Variants in NOS1 observed in about 807,000 individuals in gnomAD.
The protein encoded by NOS1 is NOS type I.
In NOS1, 51 loss-of-function variants were observed where a neutral mutation model predicts 164.5. The ratio of observed to expected loss-of-function variants is 0.31; its 90% CI spans 0.25 to 0.39. The LOEUF is 0.39. NOS1 is among the 10% of genes least tolerant of loss of function. NOS1 has a pLI of 1.00. For synonymous variants in NOS1, 719 were observed against 745.8 expected (o/e 0.96, Z 0.59); for missense variants, 1,362 against 1,885.6 (o/e 0.72, Z 5.14).
chr12:117,316,177 T>G (rs1427242094), intron 2 of NOS1, among the ~76,000 whole-genome samples: 1 of 152,136 alleles, frequency 6.6e-6, no homozygotes, highest in Admixed American at 6.5e-5. Flanking sequence ...GGAAACCTAT[T>G]AATGTCTCCA....
At chr12:117,292,621 G>A (rs1314418114) in intron 3 of NOS1, among the ~76,000 whole-genome samples, 1 of 152,222 alleles carries the variant, frequency 6.6e-6, no homozygotes, top group Non-Finnish European at 1.5e-5. Context: ...GGCACAGAGA[G>A]GTTAAGTTGC....
In NOS1 at chr12:117,286,196, G is replaced by C; in HGVS notation, c.1198C>G (p.Gln400Glu). 1 of 1,614,192 alleles carries C rather than the reference G, an allele frequency of 6.2e-7. No individual in the cohort carries two copies. Among genetic ancestry groups the C allele is most frequent in the Non-Finnish European group, 8.5e-7 (1 of 1,180,032 alleles). Reference sequence around the variant, plus strand: ...TAGATGAGCTCTGTGTCCTTGAGCTGGTAAGTGCTAGTGGTGTCGATCTCT... The same window carrying C: ...TAGATGAGCTCTGTGTCCTTGAGCTCGTAAGTGCTAGTGGTGTCGATCTCT... ...NKEIDTTSTY[Q>E]LKDTELIYGA... The change falls in exon 6 of 29, where the codon CAG becomes GAG. Residue 400 changes from glutamine (Q) to glutamate (E), a missense_variant. Gln to Glu is a conservative substitution (Grantham distance 29). This residue lies in a region of NOS1 where 129 missense variants were observed against 186.0 expected (regional missense o/e 0.69). Coordinates refer to ENST00000317775, the MANE Select transcript of NOS1 (RefSeq NM_000620.5).
At chr12:117,335,274 C>A (rs139264159) in intron 1 of NOS1, among the ~76,000 whole-genome samples, 3 of 152,068 alleles carry the variant, frequency 2.0e-5, no homozygotes, top group Non-Finnish European at 4.4e-5. Context: ...CATCTCACGC[C>A]GGTCTGGGTG....
chr12:117,232,954 A>G, intron 21 of NOS1, among the ~76,000 whole-genome samples: 1 of 150,978 alleles, frequency 6.6e-6, no homozygotes, highest in Non-Finnish European at 1.5e-5. Context: ...TGTAGCCTTG[A>G]ACTCCCGGGC....
At chr12:117,255,966 C>T (rs745724978) in intron 16 of NOS1, 2 of 1,488,592 alleles carry the variant, frequency 1.3e-6, no homozygotes, top group African/African-American at 1.5e-5. Context: ...TGCAGCCAGA[C>T]CGTGGACTTC....
At position 117,212,675 on chromosome 12, in the gene NOS1, A is replaced by G; in HGVS notation, c.*2634T>C. On this transcript the variant is annotated 3_prime_UTR_variant, in exon 29 of 29. Transcript: ENST00000317775. ...TGGGCCATAACCCGAATAACCCCCA[A>G]ATATCTTGTCAACCCTATTTTGCTT... is the stretch of plus-strand genomic sequence containing the variant. 1.0e-6 allele frequency: 1 copy of G among 985,460 alleles called. No individual in the cohort carries two copies. Among genetic ancestry groups the G allele is most frequent in the Non-Finnish European group, 1.2e-6 (1 of 829,934 alleles). The allele number at this position is 985,460 out of a possible 1,614,324, so 61.0% of individuals were successfully genotyped here. A position where few individuals can be genotyped will look rare whatever the true frequency, so the allele number is the denominator to read the frequency against.
At position 117,225,109 on chromosome 12, in the gene NOS1, G is replaced by A. The variant is rs369249262; in HGVS notation, c.3733C>T (p.Pro1245Ser). The change falls in exon 25 of 29, where the codon CCC (proline) becomes TCC (serine). Residue 1245 changes from proline to serine, a missense_variant. Pro to Ser is a moderately conservative substitution (Grantham distance 74). This residue lies in a region of NOS1 where 737 missense variants were observed against 1,030.3 expected (regional missense o/e 0.72). Transcript: ENST00000317775. ...GAPSFHLPRN[P>S]QVPCILVGPG... is the part of the protein sequence containing the mutation. ...CCAACGAGGATGCAGGGGACTTGGG[G>A]GTTCCGGGGCAGGTGGAAGCTGGGT... The A allele has an allele frequency of 2.5e-6, 4 of 1,613,782 alleles. No homozygotes were observed. The highest frequency in any genetic ancestry group is 2.7e-5 in the African/African-American group (2 of 74,944).
At chr12:117,226,894 G>C in intron 23 of NOS1, 124 bp from the exon 24 acceptor site, 2 of 734,896 alleles carry the variant, frequency 2.7e-6, no homozygotes, top group Non-Finnish European at 4.7e-6. Context: ...TCCTCCCCAG[G>C]ATCCCTTCCT....
rs940371793 is a variant in NOS1, at chr12:117,211,124, T to C, written c.*4185A>G. On this transcript the variant is annotated 3_prime_UTR_variant, in exon 29 of 29. Transcript: ENST00000317775. ...GGCGCATGCCACCATGCCCAGCTAA[T>C]TTTTGTATTTTCTTAGTAGAGTCAG... The C allele has an allele frequency of 3.3e-6, 2 of 613,324 alleles. No homozygotes were observed. The highest frequency in any genetic ancestry group is 2.0e-5 in the African/African-American group (1 of 49,908). 38.0% of individuals were successfully genotyped at this position (613,324 alleles called of 1,614,324 possible). A position where few individuals can be genotyped will look rare whatever the true frequency, so the allele number is the denominator to read the frequency against.
intron 13 of NOS1, 108 bp downstream of exon 13, chr12:117,263,781 A>ATAT (rs1872134340): frequency 3.8e-6 from 3 of 786,512 alleles, no homozygotes; most frequent in Non-Finnish European, 6.5e-6. Context: ...TGAAGAAATC[A>ATAT]TATTCTGTAG....
At position 117,213,402 on chromosome 12, in the gene NOS1, G is replaced by C. The variant is rs1211732784; in HGVS notation, c.*1907C>G. On this transcript the variant is annotated 3_prime_UTR_variant, in exon 29 of 29. Transcript: ENST00000317775. The stretch of plus-strand genomic sequence containing the variant: ...CTAAGTGTTTGTTCTTTATATCTGT[G>C]GAAGAGTGAGCAGGGGAAATTGGGA... 1 of 985,382 alleles carries C rather than the reference G, an allele frequency of 1.0e-6. No individual in the cohort carries two copies. Among genetic ancestry groups the C allele is most frequent in the Non-Finnish European group, 1.2e-6 (1 of 829,996 alleles). The allele number at this position is 985,382 out of a possible 1,614,324, so 61.0% of individuals were successfully genotyped here.
intron 1 of NOS1, among the ~76,000 whole-genome samples, chr12:117,337,777 C>A (rs1875909111): frequency 6.6e-6 from 1 of 152,064 alleles, no homozygotes; most frequent in African/African-American, 2.4e-5. Flanking sequence ...GTCCAGTATC[C>A]AAAATCTTGC....
At chr12:117,251,998 G>A (rs1871138069) in intron 17 of NOS1, among the ~76,000 whole-genome samples, 1 of 152,184 alleles carries the variant, frequency 6.6e-6, no homozygotes, top group South Asian at 2.1e-4. Context: ...TTCCCAAAGT[G>A]CTGGGATTAC....
Position 117,243,904 on chromosome 12 carries a change from G to T in NOS1, c.2824-469C>A, listed in dbSNP as rs1870406424. Among the ~76,000 whole-genome samples the T allele has an allele frequency of 6.6e-6, 1 of 151,146 alleles. No homozygotes were observed. The highest frequency in any genetic ancestry group is 1.5e-5 in the Non-Finnish European group (1 of 67,774). On this transcript the variant is annotated intron_variant, in intron 18 of 28. Transcript: ENST00000317775. The surrounding 1 kb of genome is among the most constrained non-coding windows in gnomAD (Gnocchi z 4.3). ...TCCATCTATCTTTCCATGCAGGCAT[G>T]CATCCATCCATTCATCTATCCATCC...
chr12:117,255,626 C>T (rs1871377736), intron 16 of NOS1, among the ~76,000 whole-genome samples: 1 of 152,306 alleles, frequency 6.6e-6, no homozygotes, highest in African/African-American at 2.4e-5. Flanking sequence ...GTAAAAATAA[C>T]AGCACGTGCA....
intron 2 of NOS1, among the ~76,000 whole-genome samples, chr12:117,329,343 G>T (rs1875413274): frequency 6.6e-6 from 1 of 152,056 alleles, no homozygotes; most frequent in South Asian, 2.1e-4. Context: ...CCCAGATTGT[G>T]GGGGGCGGAA....
In NOS1 at chr12:117,214,063, C is replaced by A. The variant is rs1456400743; in HGVS notation, c.*1246G>T. 3.0e-6 allele frequency: 3 copies of A among 985,324 alleles called. No individual in the cohort carries two copies. Among genetic ancestry groups the A allele is most frequent in the East Asian group, 2.3e-4 (2 of 8,830 alleles). The allele number at this position is 985,324 out of a possible 1,614,324, so 61.0% of individuals were successfully genotyped here. A position where few individuals can be genotyped will look rare whatever the true frequency, so the allele number is the denominator to read the frequency against. ...ACAAGCCTGAGGGACAAGTTCTTCC[C>A]ACCCCAAGTTGTGGCTCCTATCGAA... On this transcript the variant is annotated 3_prime_UTR_variant, in exon 29 of 29. Coordinates refer to ENST00000317775, the MANE Select transcript of NOS1 (RefSeq NM_000620.5).
chr12:117,326,647 T>C lies in NOS1; in HGVS notation c.725+3698A>G, dbSNP rs576903336. 3.8e-4 allele frequency among the ~76,000 whole-genome samples: 58 copies of C among 152,282 alleles called. 1 individual carries two copies. The South Asian group carries it at 8.7e-3, about 23-fold the overall frequency. On this transcript the variant is annotated intron_variant, in intron 2 of 28. Transcript: ENST00000317775. Reference sequence around the variant, plus strand: ...GGTCACAGTTGAGATGGGTGACTAGTGGGAGGGCCGCAAGGGATGAGGGAA... The same window carrying C: ...GGTCACAGTTGAGATGGGTGACTAGCGGGAGGGCCGCAAGGGATGAGGGAA...
At chr12:117,305,195 G>A (rs1373536930) in intron 3 of NOS1, 3 of 519,038 alleles carry the variant, frequency 5.8e-6, no homozygotes, top group Non-Finnish European at 7.4e-6. Context: ...GGGAGCGGTG[G>A]CTCACGCCTG....
Sources: allele counts gnomAD v4.1 joint callset (sites outside exome capture counted in the v4.1 genomes callset), GRCh38; gene constraint gnomAD v4.1.1; regional missense constraint gnomAD v4.1.1; non-coding constraint Gnocchi (gnomAD v3.1); transcripts MANE v1.5; gene names NCBI Gene and HGNC (gene_info 2026-07-23, HGNC 2026-07-21).